The following ATP8A1 variants were observed in gnomAD, a reference collection of about 807,000 sequenced individuals.
ATP8A1 encodes ATPase phospholipid transporting 8A1, also known as phospholipid-transporting ATPase IA.
In ATP8A1, 90 loss-of-function variants were observed where a neutral mutation model predicts 177.7. That is an observed-to-expected ratio of 0.51 (90% CI 0.43 to 0.60). ATP8A1 has a LOEUF of 0.60. ATP8A1 is among the 20% of genes least tolerant of loss of function. ATP8A1 has a pLI of 0.00. For synonymous variants in ATP8A1, 493 were observed against 485.9 expected, an observed-to-expected ratio of 1.01 and a Z score of -0.19; for missense variants, 1,072 against 1,392.8, an observed-to-expected ratio of 0.77 and a Z score of 3.67.
chr4:42,634,256 G>T (rs34700499), intron 1 of ATP8A1, among the ~76,000 whole-genome samples: 27,282 of 152,108 alleles, frequency 0.18, 2,441 homozygotes, highest in East Asian at 0.26. Flanking sequence ...ACTACTGCCT[G>T]GTGCTACTCC....
At chr4:42,579,333 A>G (rs1338982514) in intron 11 of ATP8A1, among the ~76,000 whole-genome samples, 1 of 146,180 alleles carries the variant, frequency 6.8e-6, no homozygotes, top group Non-Finnish European at 1.5e-5. Flanking sequence ...TTTTATTTAA[A>G]TAAAATATAA....
At chr4:42,549,127 T>A in intron 18 of ATP8A1, 65 bp from the exon 19 acceptor site, 1 of 1,337,876 alleles carries the variant, frequency 7.5e-7, no homozygotes, top group Non-Finnish European at 1.0e-6. Context: ...AGGAAATAAA[T>A]CCTAGCCATA....
At chr4:42,642,175 C>T (rs1490816723) in intron 1 of ATP8A1, among the ~76,000 whole-genome samples, 1 of 152,184 alleles carries the variant, frequency 6.6e-6, no homozygotes, top group Non-Finnish European at 1.5e-5. Flanking sequence ...AAGTGTGACA[C>T]TCTCATCTGC....
intron 25 of ATP8A1, 137 bp downstream of exon 25, chr4:42,485,359 C>A (rs4269210): frequency 0.33 from 213,317 of 644,816 alleles, 36,833 homozygotes; most frequent in Middle Eastern, 0.41. Context: ...AGTTTGTGAA[C>A]CTCAAGTCTT....
chr4:42,448,517 C>A lies in ATP8A1; in HGVS notation c.2897-1873G>T, dbSNP rs1369102214. 2.0e-5 allele frequency among the ~76,000 whole-genome samples: 3 copies of A among 149,730 alleles called. No individual in the cohort carries two copies. In the East Asian group the frequency reaches 6.1e-4, roughly 30 times the overall value. ...GGTTCAAGCAATTCTCCTGCTTCAGCCTCTTGAGTAGTTGGGGTTACAGGC... is the reference window on the plus strand; with the variant it reads ...GGTTCAAGCAATTCTCCTGCTTCAGACTCTTGAGTAGTTGGGGTTACAGGC... On this transcript the variant is annotated intron_variant, in intron 30 of 36. Coordinates refer to ENST00000381668, the MANE Select transcript of ATP8A1 (RefSeq NM_006095.2).
At chr4:42,480,281 G>C (rs1022491678) in intron 25 of ATP8A1, among the ~76,000 whole-genome samples, 1 of 152,104 alleles carries the variant, frequency 6.6e-6, no homozygotes, top group Non-Finnish European at 1.5e-5. Context: ...ACAGGGCTGA[G>C]CAGATGATTA....
chr4:42,595,449 A>C (rs1734630505), intron 6 of ATP8A1, among the ~76,000 whole-genome samples: 1 of 152,196 alleles, frequency 6.6e-6, no homozygotes, highest in Non-Finnish European at 1.5e-5. Context: ...GATTCAAAAA[A>C]TAATTCAGCT....
At chr4:42,414,194 A>G (rs1012088653) in intron 36 of ATP8A1, among the ~76,000 whole-genome samples, 13 of 152,388 alleles carry the variant, frequency 8.5e-5, no homozygotes, top group African/African-American at 3.1e-4. Context: ...AAGAGGGCAC[A>G]ATATCTAATA....
chr4:42,539,403 C>CG (rs985873845), intron 20 of ATP8A1, among the ~76,000 whole-genome samples: 6 of 146,464 alleles, frequency 4.1e-5, no homozygotes, highest in African/African-American at 7.4e-5. Flanking sequence ...ATACCCCCCC[C>CG]CCAACAAAAA....
rs914397529 is a variant in ATP8A1, at chr4:42,647,967, G to T, written c.49+8858C>A. On this transcript the variant is annotated intron_variant, in intron 1 of 36. Coordinates refer to ENST00000381668, the MANE Select transcript of ATP8A1 (RefSeq NM_006095.2). Reference sequence around the variant, plus strand: ...TTAAAACCTCATTTAAAAATACTTTGCTTTAAGACATACAATATAATTTTA... The same window carrying T: ...TTAAAACCTCATTTAAAAATACTTTTCTTTAAGACATACAATATAATTTTA... Among the ~76,000 whole-genome samples the T allele has an allele frequency of 4.6e-5, 7 of 152,102 alleles. No homozygotes were observed. The South Asian group carries it at 8.3e-4, about 18-fold the overall frequency.
chr4:42,490,243 A>C (rs535786697), intron 24 of ATP8A1, among the ~76,000 whole-genome samples: 3 of 152,162 alleles, frequency 2.0e-5, no homozygotes, highest in Non-Finnish European at 4.4e-5. Flanking sequence ...TGAACCTCCT[A>C]CTATGCTTTC....
intron 20 of ATP8A1, among the ~76,000 whole-genome samples, chr4:42,528,361 C>G (rs564509002): frequency 6.6e-6 from 1 of 152,048 alleles, no homozygotes; most frequent in South Asian, 2.1e-4. Flanking sequence ...GGAGGGATTA[C>G]AGAGATTAGT....
intron 33 of ATP8A1, among the ~76,000 whole-genome samples, chr4:42,435,433 AAAAAAAAAAAAAAAAAC>A (rs1323455364): frequency 6.3e-5 from 6 of 95,472 alleles, no homozygotes; most frequent in African/African-American, 2.4e-4. Context: ...TCTCAAAAAA[AAAAAAAAAAAAAAAAAC>A]AAAAAAAAAA....
At chr4:42,503,623 C>T in intron 23 of ATP8A1, 109 bp from the exon 24 acceptor site, 1 of 674,098 alleles carries the variant, frequency 1.5e-6, no homozygotes, top group South Asian at 2.8e-5. Context: ...TTTATAATGA[C>T]TGAGGGCAAC....
intron 32 of ATP8A1, 150 bp downstream of exon 32, chr4:42,444,428 C>T (rs1716985996): frequency 4.3e-6 from 3 of 691,024 alleles, no homozygotes; most frequent in Non-Finnish European, 7.1e-6. Flanking sequence ...GTTCTCCTTC[C>T]CCTACCCCTG....
At position 42,507,084 on chromosome 4, in the gene ATP8A1, G is replaced by C; in HGVS notation, c.2018C>G (p.Thr673Arg). 6.2e-7 allele frequency: 1 copy of C among 1,613,906 alleles called. No individual in the cohort carries two copies. The highest frequency in any genetic ancestry group is 1.1e-5 in the South Asian group (1 of 91,064). ...LQDQVPETIE[T>R]LMKADIKIWI... ...GATTTTGATGTCTGCTTTCATTAGCGTTTCTATGGTTTCAGGCACTTGATC... is the reference window on the plus strand; with the variant it reads ...GATTTTGATGTCTGCTTTCATTAGCCTTTCTATGGTTTCAGGCACTTGATC... Residue 673 changes from threonine (T) to arginine (R), a missense_variant, in exon 23 of 37, where the codon ACG becomes AGG. Thr to Arg is a moderately conservative substitution (Grantham distance 71). Transcript: ENST00000381668.
intron 3 of ATP8A1, chr4:42,625,391 T>G (rs950650798): frequency 1.3e-5 from 5 of 393,478 alleles, no homozygotes; most frequent in Admixed American, 4.6e-5. Flanking sequence ...AAATGAACAG[T>G]CCTTGCCACA....
At chr4:42,651,181 CCATGT>C (rs75210601) in intron 1 of ATP8A1, among the ~76,000 whole-genome samples, 17,841 of 152,072 alleles carry the variant, frequency 0.12, 1,052 homozygotes, top group East Asian at 0.21. Context: ...ACCTCCCCAG[CCATGT>C]AAGTCCATTA....
intron 22 of ATP8A1, among the ~76,000 whole-genome samples, chr4:42,510,827 G>T (rs116379180): frequency 6.6e-6 from 1 of 152,092 alleles, no homozygotes; most frequent in Non-Finnish European, 1.5e-5. Flanking sequence ...TTGAAAGAAG[G>T]AAAGCATCTA....
Sources: gnomAD v4.1 joint callset for allele counts (sites outside exome capture counted in the v4.1 genomes callset) on GRCh38, gnomAD v4.1.1 for gene constraint, MANE v1.5 for transcripts, NCBI Gene and HGNC (gene_info 2026-07-23, HGNC 2026-07-21) for gene names.